The following CPNE8 variants were observed in gnomAD, a reference collection of about 807,000 sequenced individuals.
CPNE8 encodes copine-8.
Under a neutral mutation model 81.5 loss-of-function variants are expected in CPNE8, and 45 were observed. The observed-to-expected ratio is 0.55, with a 90% confidence interval of 0.44 to 0.71. The LOEUF is 0.71. CPNE8 is among the 30% of genes least tolerant of loss of function. CPNE8 has a pLI of 0.00. For synonymous variants in CPNE8, 252 were observed against 226.3 expected (o/e 1.11, Z -1.02); for missense variants, 594 against 672.1 (o/e 0.88, Z 1.28).
At chr12:38,787,972 GA>G (rs35455026) in intron 6 of CPNE8, among the ~76,000 whole-genome samples, 4,019 of 93,770 alleles carry the variant, frequency 0.043, 116 homozygotes, top group African/African-American at 0.13. Flanking sequence ...AAGTCTCCCA[GA>G]AAAAAAAAAA....
chr12:38,866,904 G>A (rs1272178270), intron 3 of CPNE8, among the ~76,000 whole-genome samples: 1 of 152,040 alleles, frequency 6.6e-6, no homozygotes, highest in Non-Finnish European at 1.5e-5. Context: ...TGTCACCCAG[G>A]CTGGAGTGCA....
chr12:38,659,551 T>C (rs1938902566), intron 19 of CPNE8, among the ~76,000 whole-genome samples: 1 of 152,200 alleles, frequency 6.6e-6, no homozygotes, highest in African/African-American at 2.4e-5. Flanking sequence ...GCAGAACTAA[T>C]AGACATCTAC....
chr12:38,670,645 G>C, intron 19 of CPNE8, 84 bp downstream of exon 19: 1 of 891,814 alleles, frequency 1.1e-6, no homozygotes, highest in East Asian at 2.6e-5. Flanking sequence ...TAAAAAGTCT[G>C]TTATATTTCT....
chr12:38,768,458 T>C (rs1941734590), intron 7 of CPNE8, among the ~76,000 whole-genome samples: 1 of 152,060 alleles, frequency 6.6e-6, no homozygotes, highest in Admixed American at 6.5e-5. Flanking sequence ...AAGTAGAAAA[T>C]GTATTGTTAT....
intron 10 of CPNE8, among the ~76,000 whole-genome samples, chr12:38,736,153 T>A (rs1940947333): frequency 6.6e-6 from 1 of 151,718 alleles, no homozygotes; most frequent in African/African-American, 2.4e-5. Flanking sequence ...GATAGAATTT[T>A]TAAAAGATAT....
upstream of CPNE8, chr12:38,906,647 G>A: frequency 1.0e-6 from 1 of 976,168 alleles, no homozygotes. Context: ...GCATTCCAGG[G>A]CAGCAAGACT....
At chr12:38,741,795 G>A (rs1382296489) in intron 10 of CPNE8, among the ~76,000 whole-genome samples, 1 of 149,434 alleles carries the variant, frequency 6.7e-6, no homozygotes, top group Non-Finnish European at 1.5e-5. Context: ...CTAATATCCA[G>A]AATCTACAAA....
At chr12:38,737,448 A>C (rs2136783169) in intron 10 of CPNE8, among the ~76,000 whole-genome samples, 1 of 152,286 alleles carries the variant, frequency 6.6e-6, no homozygotes, top group Non-Finnish European at 1.5e-5. Context: ...CAGTAGTTCA[A>C]AAAATTTTAC....
chr12:38,883,536 T>G (rs1440671304), intron 1 of CPNE8, among the ~76,000 whole-genome samples: 1 of 152,230 alleles, frequency 6.6e-6, no homozygotes, highest in Non-Finnish European at 1.5e-5. Flanking sequence ...GGGAGCTTGA[T>G]GAATACATAA....
At chr12:38,813,110 T>A (rs1353290817) in intron 6 of CPNE8, among the ~76,000 whole-genome samples, 2 of 152,120 alleles carry the variant, frequency 1.3e-5, no homozygotes, top group African/African-American at 4.8e-5. Context: ...CATAAAGAGT[T>A]GAGATTATTT....
chr12:38,790,298 T>C (rs1942292378), intron 6 of CPNE8, among the ~76,000 whole-genome samples: 1 of 151,750 alleles, frequency 6.6e-6, no homozygotes, highest in African/African-American at 2.4e-5. Flanking sequence ...ACAATATGGA[T>C]GGAACTGAAG....
intron 6 of CPNE8, among the ~76,000 whole-genome samples, chr12:38,798,644 C>G (rs536353733): frequency 6.6e-6 from 1 of 151,426 alleles, no homozygotes; most frequent in Non-Finnish European, 1.5e-5. Flanking sequence ...CATCAACTAA[C>G]GAGCAAAATA....
chr12:38,863,133 A>G (rs954293221), intron 3 of CPNE8, among the ~76,000 whole-genome samples: 1 of 152,202 alleles, frequency 6.6e-6, no homozygotes, highest in East Asian at 1.9e-4. Flanking sequence ...TCAATATACG[A>G]AGGTAAAAAA....
At position 38,872,964 on chromosome 12, in the gene CPNE8, T is replaced by C. The variant is rs1419815418; in HGVS notation, c.186+40A>G. On this transcript the variant is annotated intron_variant, in intron 3 of 19. Coordinates refer to ENST00000331366, the MANE Select transcript of CPNE8 (RefSeq NM_153634.3). ...TGATCAAGTTATAACTTACTGTATC[T>C]TCAAGCCCAGTGATTTTTTTAAAAA... The C allele has an allele frequency of 2.1e-5, 25 of 1,196,392 alleles. No homozygotes were observed. The Admixed American group carries it at 4.4e-4, about 21-fold the overall frequency. The allele number at this position is 1,196,392 out of a possible 1,614,324, so 74.1% of individuals were successfully genotyped here. A position where few individuals can be genotyped will look rare whatever the true frequency, so the allele number is the denominator to read the frequency against.
intron 19 of CPNE8, among the ~76,000 whole-genome samples, chr12:38,669,827 G>C (rs552734903): frequency 3.0e-4 from 45 of 152,198 alleles, no homozygotes; most frequent in African/African-American, 1.1e-3. Flanking sequence ...GCTAAGATAG[G>C]GAAGCTAAAA....
intron 3 of CPNE8, among the ~76,000 whole-genome samples, chr12:38,853,327 C>T (rs1025345509): frequency 2.6e-5 from 4 of 151,942 alleles, no homozygotes; most frequent in African/African-American, 7.3e-5. Flanking sequence ...ATGTTATACA[C>T]CCAGAAACAG....
intron 10 of CPNE8, among the ~76,000 whole-genome samples, chr12:38,741,984 A>C (rs1406751569): frequency 6.6e-6 from 1 of 152,220 alleles, no homozygotes; most frequent in Non-Finnish European, 1.5e-5. Context: ...ATACCATCTC[A>C]CACCAGTTAG....
chr12:38,725,561 C>G (rs1343797568), intron 11 of CPNE8, among the ~76,000 whole-genome samples: 1 of 152,134 alleles, frequency 6.6e-6, no homozygotes, highest in East Asian at 1.9e-4. Context: ...GAGACTTCTT[C>G]AGATCATCTC....
At chr12:38,766,695 A>G (rs999969519) in intron 8 of CPNE8, among the ~76,000 whole-genome samples, 12 of 152,072 alleles carry the variant, frequency 7.9e-5, no homozygotes, top group Non-Finnish European at 1.5e-5. Flanking sequence ...ATTTTTTCCC[A>G]TTCTATTCCC....
Sources: allele counts gnomAD v4.1 joint callset (sites outside exome capture counted in the v4.1 genomes callset), GRCh38; gene constraint gnomAD v4.1.1; transcripts MANE v1.5; gene names NCBI Gene and HGNC (gene_info 2026-07-23, HGNC 2026-07-21).